ZNF385D: variants seen among roughly 807,000 people sequenced by gnomAD.
ZNF385D encodes zinc finger protein 659.
A neutral mutation model predicts 35.8 loss-of-function variants in ZNF385D; 15 were observed. That is an observed-to-expected ratio of 0.42 (90% CI 0.28 to 0.64). The LOEUF is 0.64. Ranked by LOEUF, ZNF385D falls within the 30% of genes least tolerant of loss-of-function variation. The probability of loss-of-function intolerance (pLI) is 0.23; values close to 1 mark genes in which losing one functional copy is unlikely to be tolerated. For missense variants in ZNF385D, 474 were observed against 494.6 expected, an observed-to-expected ratio of 0.96 and a Z score of 0.39; for synonymous variants, 212 against 186.8, an observed-to-expected ratio of 1.13 and a Z score of -1.10.
At chr3:22,032,276 C>T (rs1450525048) in intron 3 of ZNF385D, among the ~76,000 whole-genome samples, 1 of 152,176 alleles carries the variant, frequency 6.6e-6, no homozygotes, top group Non-Finnish European at 1.5e-5. Context: ...ATCTTTATAC[C>T]AGGCTGGGGA....
At chr3:21,826,839 AC>A (rs1008423838) in intron 3 of ZNF385D, among the ~76,000 whole-genome samples, 7 of 128,310 alleles carry the variant, frequency 5.5e-5, no homozygotes, top group African/African-American at 8.9e-5. Context: ...AAAAAAAAAA[AC>A]TCTCCTGTAG....
chr3:22,251,564 G>T (rs915436381), intron 2 of ZNF385D, among the ~76,000 whole-genome samples: 1 of 151,990 alleles, frequency 6.6e-6, no homozygotes, highest in Non-Finnish European at 1.5e-5. Context: ...CATTTTGGTG[G>T]AGGGCTGTCT....
At chr3:22,313,562 C>CA (rs1344345005) in intron 2 of ZNF385D, among the ~76,000 whole-genome samples, 1 of 151,546 alleles carries the variant, frequency 6.6e-6, no homozygotes, top group African/African-American at 2.4e-5. Context: ...AAAGATATTA[C>CA]AAAACAGACA....
At chr3:21,509,734 G>C (rs895164568) in intron 4 of ZNF385D, among the ~76,000 whole-genome samples, 2 of 152,132 alleles carry the variant, frequency 1.3e-5, no homozygotes, top group African/African-American at 4.8e-5. Flanking sequence ...ATGTATTCAG[G>C]CTGAGGGAAA....
At chr3:21,449,532 G>T (rs977100341) in intron 4 of ZNF385D, among the ~76,000 whole-genome samples, 1 of 152,104 alleles carries the variant, frequency 6.6e-6, no homozygotes, top group African/African-American at 2.4e-5. Flanking sequence ...TTGTATAGCT[G>T]TTTTTTATTA....
chr3:22,000,764 G>A (rs1386741412), intron 3 of ZNF385D, among the ~76,000 whole-genome samples: 4 of 149,748 alleles, frequency 2.7e-5, no homozygotes, highest in Non-Finnish European at 3.0e-5. Flanking sequence ...TCTGAAAGAG[G>A]AAAAAAAAAC....
chr3:21,853,094 AAG>A (rs1696489266), intron 3 of ZNF385D, among the ~76,000 whole-genome samples: 3 of 150,850 alleles, frequency 2.0e-5, no homozygotes, highest in Admixed American at 6.6e-5. Flanking sequence ...AGAAATTGAA[AAG>A]AGTGTGTGAT....
intron 2 of ZNF385D, among the ~76,000 whole-genome samples, chr3:22,216,422 A>T (rs949735504): frequency 2.0e-5 from 3 of 152,110 alleles, no homozygotes; most frequent in African/African-American, 4.8e-5. Context: ...AATGTACAGG[A>T]AACATTCCAT....
At chr3:21,438,465 A>G (rs1003996338) in intron 4 of ZNF385D, among the ~76,000 whole-genome samples, 1 of 149,584 alleles carries the variant, frequency 6.7e-6, no homozygotes, top group Non-Finnish European at 1.5e-5. Flanking sequence ...ATTACTACCA[A>G]GAGTTGACTG....
intron 2 of ZNF385D, among the ~76,000 whole-genome samples, chr3:22,360,123 G>A (rs533414163): frequency 3.9e-5 from 6 of 151,996 alleles, no homozygotes; most frequent in Admixed American, 6.6e-5. Context: ...TTCTTGGAAA[G>A]TATTCACAGT....
chr3:22,223,914 A>T (rs1698405651), intron 2 of ZNF385D, among the ~76,000 whole-genome samples: 1 of 152,186 alleles, frequency 6.6e-6, no homozygotes, highest in Non-Finnish European at 1.5e-5. Flanking sequence ...AGAATGAAGC[A>T]TGTAAAGTCA....
At chr3:21,873,109 T>C (rs1697781992) in intron 3 of ZNF385D, among the ~76,000 whole-genome samples, 1 of 152,186 alleles carries the variant, frequency 6.6e-6, no homozygotes, top group Non-Finnish European at 1.5e-5. Context: ...AAACTTTAAA[T>C]ATTTTTTGAA....
chr3:22,284,773 T>C (rs1701941150), intron 2 of ZNF385D, among the ~76,000 whole-genome samples: 1 of 152,152 alleles, frequency 6.6e-6, no homozygotes, highest in African/African-American at 2.4e-5. Flanking sequence ...AGATAAAATT[T>C]ACAATCATAA....
intron 2 of ZNF385D, among the ~76,000 whole-genome samples, chr3:22,319,821 T>C (rs1336465378): frequency 6.6e-6 from 1 of 152,230 alleles, no homozygotes; most frequent in Non-Finnish European, 1.5e-5. Context: ...TGAAAGGGGT[T>C]GACTTTGAAT....
In ZNF385D at chr3:21,964,848, T is replaced by A. The variant is rs531296262; in HGVS notation, c.325+203969A>T. ...TTTGTTGTATGTTCAAAGGTAATAA[T>A]TTCTATTCTTATTATAAATATATTT... On this transcript the variant is annotated intron_variant, in intron 3 of 5. Transcript: ENST00000494108. 3.3e-5 allele frequency among the ~76,000 whole-genome samples: 5 copies of A among 152,256 alleles called. No homozygotes were observed. In the South Asian group the frequency reaches 1.0e-3, roughly 32 times the overall value.
intron 3 of ZNF385D, among the ~76,000 whole-genome samples, chr3:21,917,754 C>A (rs1026351918): frequency 6.6e-6 from 1 of 152,152 alleles, no homozygotes; most frequent in Admixed American, 6.5e-5. Flanking sequence ...AGTATCTTTA[C>A]AAGTCATATC....
chr3:21,868,822 T>A (rs1697526036), intron 3 of ZNF385D, among the ~76,000 whole-genome samples: 1 of 152,154 alleles, frequency 6.6e-6, no homozygotes. Context: ...AATAATACTT[T>A]CTTTGACTGA....
chr3:21,754,436 T>C (rs1304632672), upstream of ZNF385D, among the ~76,000 whole-genome samples: 1 of 152,150 alleles, frequency 6.6e-6, no homozygotes, highest in Non-Finnish European at 1.5e-5. Flanking sequence ...CCAGATAAAA[T>C]TATACCTAGC....
intron 2 of ZNF385D, among the ~76,000 whole-genome samples, chr3:22,218,537 TTC>T (rs1698041557): frequency 6.6e-6 from 1 of 152,038 alleles, no homozygotes; most frequent in South Asian, 2.1e-4. Context: ...TAATGGCATT[TTC>T]TCTTTTTGCT....
Sources: allele counts gnomAD v4.1 joint callset (sites outside exome capture counted in the v4.1 genomes callset), GRCh38; gene constraint gnomAD v4.1.1; transcripts MANE v1.5; gene names NCBI Gene and HGNC (gene_info 2026-07-23, HGNC 2026-07-21).